Variants in ANO2 observed in about 807,000 individuals in gnomAD.
ANO2 encodes anoctamin 2, also known as anoctamin-2.
A neutral mutation model predicts 124.2 loss-of-function variants in ANO2; 101 were observed. That is an observed-to-expected ratio of 0.81 (90% CI 0.69 to 0.96). The LOEUF (loss-of-function observed/expected upper bound fraction) is 0.96, where lower values mean the gene tolerates loss of function less well. Ranked by LOEUF, ANO2 falls within the 40% of genes least tolerant of loss-of-function variation. The pLI is 0.00. For missense variants in ANO2, 1,293 were observed against 1,274.5 expected, an observed-to-expected ratio of 1.01 and a Z score of -0.22; for synonymous variants, 486 against 482.5, an observed-to-expected ratio of 1.01 and a Z score of -0.09.
intron 19 of ANO2, among the ~76,000 whole-genome samples, chr12:5,612,189 G>A (rs1944575966): frequency 6.6e-6 from 1 of 152,048 alleles, no homozygotes; most frequent in Non-Finnish European, 1.5e-5. Flanking sequence ...AGCATAGGGG[G>A]GAATCCACAT....
At chr12:5,866,084 C>A (rs1337225453) in intron 3 of ANO2, among the ~76,000 whole-genome samples, 1 of 152,196 alleles carries the variant, frequency 6.6e-6, no homozygotes, top group Non-Finnish European at 1.5e-5. Context: ...TTAGTTTGAA[C>A]CAATCAGCAT....
chr12:5,918,065 A>T (rs1267436928), intron 3 of ANO2, among the ~76,000 whole-genome samples: 1 of 152,122 alleles, frequency 6.6e-6, no homozygotes, highest in Admixed American at 6.5e-5. Context: ...CTAAGACCCA[A>T]CAACAGAGGT....
intron 14 of ANO2, among the ~76,000 whole-genome samples, chr12:5,675,390 C>T (rs574815592): frequency 6.6e-6 from 1 of 152,298 alleles, no homozygotes; most frequent in African/African-American, 2.4e-5. Flanking sequence ...GCAGAGACCA[C>T]TTCTGAGCCA....
At chr12:5,617,644 T>C (rs1944893655) in intron 16 of ANO2, among the ~76,000 whole-genome samples, 1 of 151,824 alleles carries the variant, frequency 6.6e-6, no homozygotes, top group Non-Finnish European at 1.5e-5. Context: ...ACTCTCCAGA[T>C]CACAGTGTGC....
At chr12:5,757,486 A>T (rs955358202) in intron 10 of ANO2, among the ~76,000 whole-genome samples, 3 of 152,198 alleles carry the variant, frequency 2.0e-5, no homozygotes, top group African/African-American at 7.2e-5. Flanking sequence ...TAATTTCCCA[A>T]AAGCCTGTGA....
intron 20 of ANO2, among the ~76,000 whole-genome samples, chr12:5,582,921 G>A (rs149364409): frequency 4.4e-4 from 67 of 152,136 alleles, no homozygotes; most frequent in African/African-American, 1.6e-3. Context: ...AGCACTGCAG[G>A]TGGAACTCGG....
intron 14 of ANO2, among the ~76,000 whole-genome samples, chr12:5,685,179 T>C (rs1030170565): frequency 6.6e-6 from 1 of 152,098 alleles, no homozygotes; most frequent in Non-Finnish European, 1.5e-5. Flanking sequence ...CCAAGAAAGC[T>C]CCAAGTATTT....
At chr12:5,806,281 T>A (rs2137172586) in intron 8 of ANO2, among the ~76,000 whole-genome samples, 188 bp from the exon 9 acceptor site, 1 of 152,338 alleles carries the variant, frequency 6.6e-6, no homozygotes, top group African/African-American at 2.4e-5. Flanking sequence ...ACTTGCCACA[T>A]TTCCTGGGAT....
intron 20 of ANO2, among the ~76,000 whole-genome samples, chr12:5,594,537 T>C (rs377221951): frequency 9.8e-5 from 15 of 152,296 alleles, no homozygotes; most frequent in African/African-American, 3.4e-4. Context: ...TGCTTTTCCT[T>C]GTCAACAGTT....
chr12:5,640,643 A>T (rs529089779), intron 15 of ANO2, among the ~76,000 whole-genome samples: 1 of 152,374 alleles, frequency 6.6e-6, no homozygotes, highest in East Asian at 1.9e-4. Flanking sequence ...ATCACTGGTC[A>T]TCAGAGAAAT....
chr12:5,686,050 G>A (rs1948690864), intron 14 of ANO2, among the ~76,000 whole-genome samples: 1 of 152,182 alleles, frequency 6.6e-6, no homozygotes, highest in African/African-American at 2.4e-5. Flanking sequence ...AGGCAGCAGA[G>A]ACAAGCCAGC....
chr12:5,595,002 A>T (rs10849300), intron 20 of ANO2, among the ~76,000 whole-genome samples: 23 of 152,070 alleles, frequency 1.5e-4, no homozygotes, highest in Admixed American at 1.5e-3. Flanking sequence ...TCCCACTTAC[A>T]GCTGGAAACC....
At chr12:5,655,305 C>T (rs1355861617) in intron 14 of ANO2, among the ~76,000 whole-genome samples, 9 of 152,196 alleles carry the variant, frequency 5.9e-5, no homozygotes. Context: ...ATCTCAGCCT[C>T]TCCTCTAGGA....
intron 3 of ANO2, among the ~76,000 whole-genome samples, chr12:5,898,689 C>A (rs772897081): frequency 8.5e-5 from 13 of 152,166 alleles, no homozygotes; most frequent in Non-Finnish European, 1.5e-4. Flanking sequence ...CAAAACTCAT[C>A]TGTGATGCTA....
intron 7 of ANO2, among the ~76,000 whole-genome samples, chr12:5,814,073 A>G (rs1415805140): frequency 2.0e-5 from 3 of 152,020 alleles, no homozygotes; most frequent in Non-Finnish European, 4.4e-5. Context: ...CTGGCTTCCT[A>G]CTGCCATCAG....
chr12:5,875,974 G>T (rs1938071520), intron 3 of ANO2, among the ~76,000 whole-genome samples: 1 of 152,144 alleles, frequency 6.6e-6, no homozygotes, highest in Non-Finnish European at 1.5e-5. Flanking sequence ...TATTTTACCG[G>T]GTAGAGAGAA....
At chr12:5,718,874 C>T (rs751141158) in intron 14 of ANO2, among the ~76,000 whole-genome samples, 22 of 152,200 alleles carry the variant, frequency 1.4e-4, no homozygotes, top group Admixed American at 9.8e-4. Flanking sequence ...CAATTTCCAC[C>T]GTGCAGTTTC....
chr12:5,931,102 A>G (rs149705213), intron 1 of ANO2, among the ~76,000 whole-genome samples: 1 of 152,110 alleles, frequency 6.6e-6, no homozygotes. Context: ...TTTTGAAACA[A>G]TCTCACCAAG....
intron 14 of ANO2, among the ~76,000 whole-genome samples, chr12:5,730,807 C>T (rs577626075): frequency 5.3e-5 from 8 of 152,176 alleles, no homozygotes; most frequent in African/African-American, 1.4e-4. Context: ...TTTTATCTTA[C>T]ACTACTCATT....
Sources: allele counts gnomAD v4.1 joint callset (sites outside exome capture counted in the v4.1 genomes callset), GRCh38; gene constraint gnomAD v4.1.1; transcripts MANE v1.5; gene names NCBI Gene and HGNC (gene_info 2026-07-23, HGNC 2026-07-21).